TPRG1: variants seen among roughly 807,000 people sequenced by gnomAD.
TPRG1 encodes the protein tumor protein p63 regulated 1.
TPRG1 carries 29 observed loss-of-function variants against 29.3 expected under a neutral mutation model. The observed-to-expected ratio is 0.99, with a 90% CI of 0.74 to 1.35. The LOEUF is 1.35. TPRG1 is among the 40% of genes most tolerant of loss of function. The pLI is 0.00. For missense variants in TPRG1, 327 were observed against 335.0 expected (o/e 0.98, Z 0.19); for synonymous variants, 130 against 116.8 (o/e 1.11, Z -0.73).
At chr3:189,039,877 T>C (rs1230039223) in intron 4 of TPRG1, among the ~76,000 whole-genome samples, 1 of 151,724 alleles carries the variant, frequency 6.6e-6, no homozygotes, top group Non-Finnish European at 1.5e-5. Context: ...CAACAGAACA[T>C]TGGAGCTAGA....
chr3:189,305,810 T>TA (rs1303781817), intron 4 of TPRG1, among the ~76,000 whole-genome samples: 1 of 152,180 alleles, frequency 6.6e-6, no homozygotes, highest in African/African-American at 2.4e-5. Context: ...CCATGACTAT[T>TA]ACAAACCTTC....
rs566744991 is a variant in TPRG1 at position 189,191,326 on chromosome 3, A to G, written c.-9-16050A>G. ...CATTCTGAACTGTCCACTTTTATTA[A>G]ATCATCTTAGAATGAATCTGAATGT... On this transcript the variant is annotated intron_variant, in intron 1 of 5. Transcript: ENST00000345063. Among the ~76,000 whole-genome samples the G allele has an allele frequency of 2.3e-4, 35 of 152,266 alleles. 1 individual carries two copies. The highest frequency in any genetic ancestry group is 3.4e-3 in the Middle Eastern group (1 of 294).
intron 5 of TPRG1, among the ~76,000 whole-genome samples, chr3:189,165,673 C>G (rs1235426663): frequency 6.6e-6 from 1 of 152,084 alleles, no homozygotes; most frequent in Non-Finnish European, 1.5e-5. Context: ...GTCATAAGCC[C>G]TGGACTCTGG....
At chr3:189,054,367 A>T (rs1203837214) in intron 4 of TPRG1, among the ~76,000 whole-genome samples, 1 of 151,224 alleles carries the variant, frequency 6.6e-6, no homozygotes, top group African/African-American at 2.4e-5. Context: ...ATCACTGATT[A>T]TAGGCTAGGC....
intron 3 of TPRG1, among the ~76,000 whole-genome samples, chr3:189,141,446 C>G (rs1724546556): frequency 6.6e-6 from 1 of 152,136 alleles, no homozygotes; most frequent in African/African-American, 2.4e-5. Flanking sequence ...ATGTTTCTAA[C>G]AAGCTGCTCT....
At chr3:189,121,611 G>A (rs181091073) in intron 1 of TPRG1, 3 of 152,312 alleles carry the variant, frequency 2.0e-5, no homozygotes, top group Admixed American at 2.0e-4. Flanking sequence ...GGAATTATTT[G>A]TTCTTGAAGC....
intron 4 of TPRG1, among the ~76,000 whole-genome samples, chr3:189,280,704 A>G (rs1379307983): frequency 6.6e-6 from 1 of 152,166 alleles, no homozygotes; most frequent in African/African-American, 2.4e-5. Flanking sequence ...TAAAGCTGTA[A>G]CCCTACCATG....
At chr3:189,315,278 TTGTGTGTGTGTGTG>T (rs34255648) in intron 5 of TPRG1, among the ~76,000 whole-genome samples, 3 of 143,506 alleles carry the variant, frequency 2.1e-5, no homozygotes, top group South Asian at 2.3e-4. Context: ...CCTGAAAGAA[TTGTGTGTGTGTGTG>T]TGTGTGTGTG....
At chr3:189,244,435 A>C (rs1448366154) in intron 4 of TPRG1, among the ~76,000 whole-genome samples, 2 of 152,130 alleles carry the variant, frequency 1.3e-5, no homozygotes, top group Non-Finnish European at 2.9e-5. Flanking sequence ...AAGAAGAAAA[A>C]AAAGAGGTTT....
intron 4 of TPRG1, among the ~76,000 whole-genome samples, chr3:189,035,950 A>C (rs534525094): frequency 6.6e-6 from 1 of 152,198 alleles, no homozygotes; most frequent in South Asian, 2.1e-4. Flanking sequence ...AAATTGTTCT[A>C]CCAAAAAGAC....
intron 5 of TPRG1, among the ~76,000 whole-genome samples, chr3:189,317,562 A>T (rs1453059866): frequency 6.6e-6 from 1 of 152,216 alleles, no homozygotes; most frequent in Middle Eastern, 3.2e-3. Context: ...TGGCAAAGGA[A>T]CTATAAATTT....
chr3:189,045,279 T>G (rs1714904204), intron 4 of TPRG1, among the ~76,000 whole-genome samples: 1 of 152,228 alleles, frequency 6.6e-6, no homozygotes, highest in Non-Finnish European at 1.5e-5. Context: ...TTGCAAAAAT[T>G]GCAGTGTACT....
At chr3:189,307,189 A>C (rs1389764237) in intron 4 of TPRG1, among the ~76,000 whole-genome samples, 1 of 152,042 alleles carries the variant, frequency 6.6e-6, no homozygotes, top group Non-Finnish European at 1.5e-5. Flanking sequence ...CACCCGGCTA[A>C]TTTTTGTATT....
At chr3:189,057,836 A>ACG (rs1560419083) in intron 4 of TPRG1, among the ~76,000 whole-genome samples, 32 of 141,624 alleles carry the variant, frequency 2.3e-4, no homozygotes, top group African/African-American at 7.1e-4. Context: ...ATACACACAT[A>ACG]TGTATGTGTG....
chr3:189,089,944 C>A (rs753514000), intron 4 of TPRG1, among the ~76,000 whole-genome samples: 10 of 151,702 alleles, frequency 6.6e-5, no homozygotes, highest in Admixed American at 6.6e-5. Flanking sequence ...TATAATTAGT[C>A]TTTTCAAGGA....
chr3:189,027,838 A>G (rs902007295), intron 4 of TPRG1, among the ~76,000 whole-genome samples: 1 of 152,188 alleles, frequency 6.6e-6, no homozygotes, highest in Non-Finnish European at 1.5e-5. Context: ...CTTAAAAGCA[A>G]TAGCATTGTG....
At chr3:189,038,874 C>A (rs1197504317) in intron 4 of TPRG1, among the ~76,000 whole-genome samples, 7 of 150,678 alleles carry the variant, frequency 4.6e-5, no homozygotes, top group Admixed American at 1.3e-4. Flanking sequence ...ACATCCCCAA[C>A]ATCATAAGTA....
chr3:189,171,006 C>T (rs528195221), upstream of TPRG1, among the ~76,000 whole-genome samples: 1 of 152,304 alleles, frequency 6.6e-6, no homozygotes, highest in Admixed American at 6.5e-5. Context: ...TTCAATCATA[C>T]ACATAACAGC....
chr3:189,080,569 G>A (rs184431957), intron 4 of TPRG1, among the ~76,000 whole-genome samples: 232 of 152,246 alleles, frequency 1.5e-3, no homozygotes, highest in African/African-American at 5.0e-3. Flanking sequence ...GGAAGGGAGA[G>A]GATGGATCTG....
Sources: allele counts gnomAD v4.1 joint callset (sites outside exome capture counted in the v4.1 genomes callset), GRCh38; gene constraint gnomAD v4.1.1; transcripts MANE v1.5; gene names NCBI Gene and HGNC (gene_info 2026-07-23, HGNC 2026-07-21).